The following SYMPK variants were observed in gnomAD, a reference collection of about 807,000 sequenced individuals.
SYMPK encodes the protein symplekin scaffold protein.
Under a neutral mutation model 136.4 loss-of-function variants are expected in SYMPK, and 49 were observed. The observed-to-expected ratio is 0.36, with a 90% CI of 0.29 to 0.46. The LOEUF is 0.46. Ranked by LOEUF, SYMPK falls within the 20% of genes least tolerant of loss-of-function variation. SYMPK has a pLI of 1.00. For synonymous variants in SYMPK, 766 were observed against 713.0 expected, an observed-to-expected ratio of 1.07 and a Z score of -1.19; for missense variants, 1,365 against 1,690.0, an observed-to-expected ratio of 0.81 and a Z score of 3.37.
Position 45,822,764 on chromosome 19 carries a change from G to C in SYMPK, c.2783C>G (p.Thr928Ser). Residue 928 changes from threonine (T) to serine (S), a missense_variant, in exon 21 of 27, where the codon ACC becomes AGC. Thr to Ser is a moderately conservative substitution (Grantham distance 58, BLOSUM62 1). Around this residue, in one of 11 missense-constraint regions of SYMPK, gnomAD observed 156 missense variants for 217.8 expected, o/e 0.72. Coordinates refer to ENST00000245934, the MANE Select transcript of SYMPK (RefSeq NM_004819.3). ...GAGGCTGCATCACCTACCATGCTGG[G>C]TGCCCAGCAGGCGGTTGAAGACTTC... is the stretch of plus-strand genomic sequence containing the variant. ...VKEVFNRLLG[T>S]QHGEGNSALS... 1.2e-6 allele frequency: 2 copies of C among 1,613,980 alleles called. No homozygotes were observed. The highest frequency in any genetic ancestry group is 1.7e-6 in the Non-Finnish European group (2 of 1,179,916).
rs184321971 is a variant in SYMPK, at chr19:45,836,005, C to T, written c.1243-777G>A. On this transcript the variant is annotated intron_variant, in intron 10 of 26. Coordinates refer to ENST00000245934, the MANE Select transcript of SYMPK (RefSeq NM_004819.3). ...GAATTGACTTCAAATAACAAGCAAA[C>T]AAGAAACCCCCCAGAATCCTAACAG... Among the ~76,000 whole-genome samples, 396 of 152,182 alleles carry T rather than the reference C, an allele frequency of 2.6e-3. 1 individual carries two copies. Among genetic ancestry groups the T allele is most frequent in the African/African-American group, 8.9e-3 (368 of 41,524 alleles).
intron 1 of SYMPK, among the ~76,000 whole-genome samples, chr19:45,857,523 G>C (rs1470262550): frequency 1.3e-5 from 2 of 150,362 alleles, no homozygotes; most frequent in African/African-American, 2.5e-5. Context: ...ATGGAGTCTT[G>C]CACTGTCGCC....
chr19:45,834,374 A>T (rs1254631732), intron 11 of SYMPK, among the ~76,000 whole-genome samples: 2 of 151,822 alleles, frequency 1.3e-5, no homozygotes, highest in Non-Finnish European at 2.9e-5. Context: ...CAGGAGAATC[A>T]TTTGAACTTG....
Position 45,839,432 on chromosome 19 carries a change from GGAA to G in SYMPK, c.1088-820_1088-818del, listed in dbSNP as rs1384091586. Among the ~76,000 whole-genome samples the G allele has an allele frequency of 5.9e-5, 9 of 152,260 alleles. No individual in the cohort carries two copies. The East Asian group carries it at 9.6e-4, about 16-fold the overall frequency. ...CAAAACAAATTCCTGATAGTAAGTG[GGAA>G]GAAGAAGAGAAAGTTCTTCCTTACA... On this transcript the variant is annotated intron_variant, in intron 9 of 26. Coordinates refer to ENST00000245934, the MANE Select transcript of SYMPK (RefSeq NM_004819.3).
At chr19:45,838,158 G>A (rs1201777072) in intron 10 of SYMPK, among the ~76,000 whole-genome samples, 2 of 151,860 alleles carry the variant, frequency 1.3e-5, no homozygotes, top group East Asian at 3.9e-4. Context: ...TTAAAAGTGT[G>A]TGGCACCTCC....
chr19:45,831,364 G>A lies in SYMPK; in HGVS notation c.1598+20C>T. On this transcript the variant is annotated intron_variant, in intron 12 of 26. Transcript: ENST00000245934. ...AGGGTAGGGCTCCTGTCCTGCCCTA[G>A]CACCCAGAAGAGGACTCACCGGGGC... is the stretch of plus-strand genomic sequence containing the variant. The A allele has an allele frequency of 1.3e-6, 2 of 1,512,990 alleles. No individual in the cohort carries two copies. Among genetic ancestry groups the A allele is most frequent in the Non-Finnish European group, 1.8e-6 (2 of 1,127,136 alleles). 93.7% of individuals were successfully genotyped at this position (1,512,990 alleles called of 1,614,324 possible). A position where few individuals can be genotyped will look rare whatever the true frequency, so the allele number is the denominator to read the frequency against.
chr19:45,818,238 G>T (rs1321567802), intron 22 of SYMPK, 92 bp from the exon 23 acceptor site: 14 of 1,330,610 alleles, frequency 1.1e-5, no homozygotes, highest in Non-Finnish European at 1.4e-5. Context: ...CCATGTGAGG[G>T]GAAGACTTCT....
intron 16 of SYMPK, among the ~76,000 whole-genome samples, 183 bp from the exon 17 acceptor site, chr19:45,826,556 C>T (rs1816144078): frequency 1.3e-5 from 2 of 151,982 alleles, no homozygotes; most frequent in Admixed American, 1.3e-4. Flanking sequence ...CAGGGCCGGA[C>T]CCGCAGCACC....
chr19:45,816,615 C>T (rs769363311), intron 24 of SYMPK, 38 bp from the exon 25 acceptor site: 2 of 1,611,868 alleles, frequency 1.2e-6, no homozygotes, highest in South Asian at 2.2e-5. Context: ...GGGGGCAGCT[C>T]TGGCACAGAG....
At position 45,821,675 on chromosome 19, in the gene SYMPK, G is replaced by A. The variant is rs555993387; in HGVS notation, c.2792-190C>T. 1.8e-4 allele frequency among the ~76,000 whole-genome samples: 28 copies of A among 152,336 alleles called. No homozygotes were observed. The South Asian group carries it at 5.4e-3, about 29-fold the overall frequency. ...AAGGCAGCAGCAGCCCTCAGGCAGC[G>A]TGAGGTTGCCACTGTGTGCTCCTCC... On this transcript the variant is annotated intron_variant, in intron 21 of 26. Coordinates refer to ENST00000245934, the MANE Select transcript of SYMPK (RefSeq NM_004819.3). The surrounding 1 kb of genome is among the most constrained non-coding windows in gnomAD (Gnocchi z 4.4).
chr19:45,858,815 G>A (rs1971893727), intron 1 of SYMPK, among the ~76,000 whole-genome samples: 1 of 151,558 alleles, frequency 6.6e-6, no homozygotes, highest in African/African-American at 2.4e-5. Flanking sequence ...GCGCCCGGCC[G>A]ACGACCATAT....
Position 45,831,433 on chromosome 19 carries a change from G to A in SYMPK, c.1549C>T (p.Pro517Ser). The A allele has an allele frequency of 6.2e-7, 1 of 1,604,240 alleles. No individual in the cohort carries two copies. Among genetic ancestry groups the A allele is most frequent in the Non-Finnish European group, 8.5e-7 (1 of 1,175,498 alleles). Residue 517 changes from proline to serine, a missense_variant, in exon 12 of 27, where the codon CCG becomes TCG. Pro to Ser is a moderately conservative substitution (Grantham distance 74, BLOSUM62 -1). Around this residue, in one of 11 missense-constraint regions of SYMPK, gnomAD observed 303 missense variants for 326.6 expected, o/e 0.93. Coordinates refer to ENST00000245934, the MANE Select transcript of SYMPK (RefSeq NM_004819.3). ...GGCTCTGGCCTCCTCTTGGCCTGCGGTGCCTCTTCCTCCAGGGGGGACATG... is the reference window on the plus strand; with the variant it reads ...GGCTCTGGCCTCCTCTTGGCCTGCGATGCCTCTTCCTCCAGGGGGGACATG... ...SSMSPLEEEAPQAKRRPEPII... is the reference protein window; with the variant it reads ...SSMSPLEEEASQAKRRPEPII...
chr19:45,827,847 C>A lies in SYMPK; in HGVS notation c.2057G>T (p.Cys686Phe), dbSNP rs1971082254. ...AGGGCCTGTCCTCACCTCATCCTCG[C>A]AGTACTTGCGGACCACCTCCAGGGC... The part of the protein sequence containing the change: ...ESALEVVRKY[C>F]EDESRTYLGM... Residue 686 changes from cysteine (C) to phenylalanine (F), a missense_variant, in exon 15 of 27, where the codon TGC becomes TTC. Cys to Phe is a radical substitution (Grantham distance 205). Around this residue, in one of 11 missense-constraint regions of SYMPK, gnomAD observed 303 missense variants for 326.6 expected, o/e 0.93. Coordinates refer to ENST00000245934, the MANE Select transcript of SYMPK (RefSeq NM_004819.3). 1 of 1,614,070 alleles carries A rather than the reference C, an allele frequency of 6.2e-7. No homozygotes were observed. The highest frequency in any genetic ancestry group is 1.1e-5 in the South Asian group (1 of 91,088).
Position 45,816,878 on chromosome 19 carries a change from G to C in SYMPK, c.3178C>G (p.Gln1060Glu). Residue 1060 changes from glutamine (Q) to glutamate (E), a missense_variant, in exon 24 of 27, where the codon CAG becomes GAG. By Grantham distance (29) the Gln-to-Glu change is conservative. Transcript: ENST00000245934. Reference protein sequence around the residue: ...FQVILQLPPQQLGAVFDKCPE... With the variant: ...FQVILQLPPQELGAVFDKCPE... ...CACTTGTCAAAGACGGCTCCCAGCT[G>C]CTGGGGCGGCAGCTGCAGGATGACC... The C allele has an allele frequency of 6.4e-7, 1 of 1,550,792 alleles. No homozygotes were observed.
intron 1 of SYMPK, among the ~76,000 whole-genome samples, chr19:45,858,804 C>T (rs1008965225): frequency 1.3e-5 from 2 of 151,976 alleles, no homozygotes; most frequent in Non-Finnish European, 2.9e-5. Context: ...CATGAGCCAC[C>T]GCGCCCGGCC....
In SYMPK at chr19:45,821,053, T is replaced by C; in HGVS notation, c.2893+331A>G. ...CGCCTCTACCACTCACGGTGTGCCC[T>C]GCTTCCTTCTGTTCCTCGGGGCTAG... is the stretch of plus-strand genomic sequence containing the variant. On this transcript the variant is annotated intron_variant, in intron 22 of 26. Coordinates refer to ENST00000245934, the MANE Select transcript of SYMPK (RefSeq NM_004819.3). This position sits in a 1 kb window ranked among gnomAD's most constrained non-coding sequence, Gnocchi z 4.4. 1.6e-6 allele frequency: 1 copy of C among 621,608 alleles called. No individual in the cohort carries two copies. The highest frequency in any genetic ancestry group is 2.7e-5 in the East Asian group (1 of 36,380). The allele number at this position is 621,608 out of a possible 1,614,324, so 38.5% of individuals were successfully genotyped here.
rs1600539573 is a variant in SYMPK at position 45,859,967 on chromosome 19, A to C, written c.-13+3091T>G. Among the ~76,000 whole-genome samples, 3 of 150,996 alleles carry C rather than the reference A, an allele frequency of 2.0e-5. 1 individual carries two copies. Among genetic ancestry groups the C allele is most frequent in the Admixed American group, 1.3e-4 (2 of 15,128 alleles). Reference sequence around the variant, plus strand: ...AAGACTCCATCTAAAAAAAAAAAAAAAAAAAAAAAAAAATTAGCCAGGCAT... The same window carrying C: ...AAGACTCCATCTAAAAAAAAAAAAACAAAAAAAAAAAAATTAGCCAGGCAT... On this transcript the variant is annotated intron_variant, in intron 1 of 26. Coordinates refer to ENST00000245934, the MANE Select transcript of SYMPK (RefSeq NM_004819.3).
chr19:45,835,562 C>T (rs114858390), intron 10 of SYMPK, among the ~76,000 whole-genome samples: 2,569 of 152,068 alleles, frequency 0.017, 73 homozygotes, highest in African/African-American at 0.059. Context: ...GTGTATTCCC[C>T]GTAGAGAAAC....
In SYMPK at chr19:45,831,300, C is replaced by CAT. The variant is rs61108453; in HGVS notation, c.1598+83_1598+84insAT. 7.0e-6 allele frequency: 8 copies of CAT among 1,149,826 alleles called. No individual in the cohort carries two copies. The African/African-American group carries it at 1.1e-4, about 16-fold the overall frequency. 71.2% of individuals were successfully genotyped at this position (1,149,826 alleles called of 1,614,324 possible). ...TCTCAGTTACACACACACACGCACA[C>CAT]GCACACGCACACGCACACGAGCTGA... On this transcript the variant is annotated intron_variant, in intron 12 of 26. Coordinates refer to ENST00000245934, the MANE Select transcript of SYMPK (RefSeq NM_004819.3).
Sources: gnomAD v4.1 joint callset for allele counts (sites outside exome capture counted in the v4.1 genomes callset) on GRCh38, gnomAD v4.1.1 for gene constraint, gnomAD v4.1.1 regional missense constraint, Gnocchi (gnomAD v3.1) non-coding constraint, MANE v1.5 for transcripts, NCBI Gene and HGNC (gene_info 2026-07-23, HGNC 2026-07-21) for gene names.